Variants in ROR1 observed in about 807,000 individuals in gnomAD.
ROR1 encodes inactive tyrosine-protein kinase transmembrane receptor ROR1.
A neutral mutation model predicts 78.8 loss-of-function variants in ROR1; 19 were observed. The observed-to-expected ratio is 0.24, with a 90% CI of 0.17 to 0.35. The LOEUF (loss-of-function observed/expected upper bound fraction) is 0.35. Among genes scored for constraint, ROR1 ranks in the 10% least tolerant of loss-of-function variants. The pLI is 1.00. For synonymous variants in ROR1, 386 were observed against 433.6 expected (o/e 0.89, Z 1.36); for missense variants, 917 against 1,177.8 (o/e 0.78, Z 3.24).
chr1:63,967,186 A>T (rs1416840461), intron 1 of ROR1, among the ~76,000 whole-genome samples: 11 of 152,168 alleles, frequency 7.2e-5, no homozygotes, highest in Non-Finnish European at 8.8e-5. Context: ...GGTTGTTATT[A>T]TTCCATCATT....
chr1:63,777,382 A>G (rs1187687000), intron 1 of ROR1, among the ~76,000 whole-genome samples: 1 of 152,224 alleles, frequency 6.6e-6, no homozygotes, highest in Admixed American at 6.5e-5. Context: ...AAACACTGAG[A>G]GCCCAAGTCC....
Position 63,977,165 on chromosome 1 carries a change from ACCTCCCATTGGGTC to A in ROR1, c.92-32131_92-32118del, listed in dbSNP as rs1040719092. 1.8e-4 allele frequency among the ~76,000 whole-genome samples: 27 copies of A among 152,198 alleles called. 1 individual carries two copies. The highest frequency in any genetic ancestry group is 1.0e-3 in the Admixed American group (16 of 15,290). ...GGTAATTGCCCCCCATGATTCATTT[ACCTCCCATTGGGTC>A]CCTCCCATGACACATGGGGAATTAT... On this transcript the variant is annotated intron_variant, in intron 1 of 8. Coordinates refer to ENST00000371079, the MANE Select transcript of ROR1 (RefSeq NM_005012.4).
At chr1:64,032,226 A>C (rs1646666766) in intron 2 of ROR1, among the ~76,000 whole-genome samples, 2 of 151,284 alleles carry the variant, frequency 1.3e-5, no homozygotes, top group Non-Finnish European at 2.9e-5. Flanking sequence ...CTGTAGTCCC[A>C]GCTACTCAGG....
At position 64,001,123 on chromosome 1, in the gene ROR1, G is replaced by A. The variant is rs28488161; in HGVS notation, c.92-8182G>A. 6.3e-3 allele frequency among the ~76,000 whole-genome samples: 953 copies of A among 152,268 alleles called. 9 individuals are homozygous for A. The highest frequency in any genetic ancestry group is 0.022 in the African/African-American group (922 of 41,554). On this transcript the variant is annotated intron_variant, in intron 1 of 8. Transcript: ENST00000371079. ...GCAGCGAATGGTTAAACAAAATGTG[G>A]CATGTCCATACCATGGAATACTCTA...
intron 1 of ROR1, among the ~76,000 whole-genome samples, chr1:63,792,376 A>G (rs1046665296): frequency 2.6e-5 from 4 of 152,276 alleles, no homozygotes; most frequent in Admixed American, 2.0e-4. Context: ...TCCTTCCCCC[A>G]TGTCACAGAT....
chr1:64,092,434 A>C (rs1647207156), intron 4 of ROR1, among the ~76,000 whole-genome samples: 1 of 152,020 alleles, frequency 6.6e-6, no homozygotes, highest in African/African-American at 2.4e-5. Flanking sequence ...GTCATCTGTA[A>C]ATAGGGAAGG....
Position 63,774,047 on chromosome 1 carries a change from T to G in ROR1, c.-371T>G, listed in dbSNP as rs969838139. ...GAGCGAGAGAGGGAGCGTGGAGAGC[T>G]GGAGCAGCCGCCACCGCCGCCGCCG... On this transcript the variant is annotated 5_prime_UTR_variant, in exon 1 of 9. Coordinates refer to ENST00000371079, the MANE Select transcript of ROR1 (RefSeq NM_005012.4). This position sits in a 1 kb window ranked among gnomAD's most constrained non-coding sequence, Gnocchi z 5.7. 5 of 161,196 alleles carry G rather than the reference T, an allele frequency of 3.1e-5. No homozygotes were observed. The highest frequency in any genetic ancestry group is 5.4e-5 in the Non-Finnish European group (4 of 74,216). The allele number at this position is 161,196 out of a possible 1,614,324, so 10.0% of individuals were successfully genotyped here.
chr1:63,954,844 G>A (rs1028552010), intron 1 of ROR1, among the ~76,000 whole-genome samples: 2 of 152,044 alleles, frequency 1.3e-5, no homozygotes, highest in African/African-American at 4.8e-5. Flanking sequence ...TATCTGTTGG[G>A]GGTCCTGGAA....
chr1:63,944,432 T>G (rs1645866591), intron 1 of ROR1, among the ~76,000 whole-genome samples: 1 of 152,250 alleles, frequency 6.6e-6, no homozygotes, highest in African/African-American at 2.4e-5. Flanking sequence ...TTCATTTGAT[T>G]GTGCATTGGA....
chr1:63,778,414 T>C (rs989925119), intron 1 of ROR1, among the ~76,000 whole-genome samples: 1 of 152,206 alleles, frequency 6.6e-6, no homozygotes, highest in Non-Finnish European at 1.5e-5. Context: ...GTTGTCTTCC[T>C]GGGGAGGCTG....
chr1:63,981,023 T>C (rs1157375323), intron 1 of ROR1, among the ~76,000 whole-genome samples: 1 of 151,458 alleles, frequency 6.6e-6, no homozygotes, highest in Non-Finnish European at 1.5e-5. Context: ...GAAGAAAAAA[T>C]ATACCTTTGT....
chr1:64,126,634 A>G (rs766290750), intron 4 of ROR1, among the ~76,000 whole-genome samples: 1 of 152,224 alleles, frequency 6.6e-6, no homozygotes, highest in Non-Finnish European at 1.5e-5. Flanking sequence ...CCAAGGTTGT[A>G]TGGAAATAAC....
intron 7 of ROR1, among the ~76,000 whole-genome samples, chr1:64,156,166 T>G (rs1312859406): frequency 6.6e-6 from 1 of 152,220 alleles, no homozygotes; most frequent in Non-Finnish European, 1.5e-5. Flanking sequence ...ATTTGTTGCT[T>G]ACAGCAATTC....
chr1:63,914,597 G>T (rs1193810679), intron 1 of ROR1, among the ~76,000 whole-genome samples: 1 of 152,196 alleles, frequency 6.6e-6, no homozygotes, highest in Non-Finnish European at 1.5e-5. Context: ...CTCTTGGGCA[G>T]TCTAAAGTCT....
intron 4 of ROR1, among the ~76,000 whole-genome samples, chr1:64,052,541 G>A (rs533500431): frequency 2.5e-4 from 38 of 152,110 alleles, no homozygotes; most frequent in Non-Finnish European, 4.7e-4. Context: ...TAGGTCTCTC[G>A]TGGTTTTTAA....
chr1:63,944,044 T>C (rs1371838054), intron 1 of ROR1, among the ~76,000 whole-genome samples: 1 of 152,198 alleles, frequency 6.6e-6, no homozygotes, highest in Admixed American at 6.5e-5. Flanking sequence ...GTGAAAGCAG[T>C]TGAATGATCT....
At chr1:63,952,263 A>G (rs1569964489) in intron 1 of ROR1, among the ~76,000 whole-genome samples, 1 of 151,978 alleles carries the variant, frequency 6.6e-6, no homozygotes, top group South Asian at 2.1e-4. Context: ...AGCAAATAGA[A>G]AGGCCCCCAA....
chr1:64,035,288 A>T (rs1315354228), intron 2 of ROR1, among the ~76,000 whole-genome samples: 1 of 152,208 alleles, frequency 6.6e-6, no homozygotes, highest in African/African-American at 2.4e-5. Context: ...TGGCTTTGGA[A>T]AGGGTTCCAT....
At chr1:63,863,414 G>C (rs917216284) in intron 1 of ROR1, among the ~76,000 whole-genome samples, 1 of 152,058 alleles carries the variant, frequency 6.6e-6, no homozygotes, top group Non-Finnish European at 1.5e-5. Context: ...CTTACACACA[G>C]GGTCTATCTG....
Sources: allele counts gnomAD v4.1 joint callset (sites outside exome capture counted in the v4.1 genomes callset), GRCh38; gene constraint gnomAD v4.1.1; non-coding constraint Gnocchi (gnomAD v3.1); transcripts MANE v1.5; gene names NCBI Gene and HGNC (gene_info 2026-07-23, HGNC 2026-07-21).